SUCO: variants seen among roughly 807,000 people sequenced by gnomAD.
The protein encoded by SUCO is SUN domain containing ossification factor, also known as SUN domain-containing ossification factor.
Under a neutral mutation model 148.1 loss-of-function variants are expected in SUCO, and 57 were observed. That is an observed-to-expected ratio of 0.38 (90% CI 0.31 to 0.48). The LOEUF is 0.48. Ranked by LOEUF, SUCO falls within the 20% of genes least tolerant of loss-of-function variation. The pLI is 0.96. For synonymous variants in SUCO, 470 were observed against 502.7 expected (o/e 0.93, Z 0.87); for missense variants, 1,331 against 1,468.2 (o/e 0.91, Z 1.53).
intron 1 of SUCO, among the ~76,000 whole-genome samples, chr1:172,536,804 G>GTA (rs560826292): frequency 4.9e-4 from 75 of 152,226 alleles, no homozygotes; most frequent in African/African-American, 1.8e-3. Context: ...GAGGCCACCT[G>GTA]TATTCTGTGG....
chr1:172,603,479 A>T (rs76580953), intron 22 of SUCO, among the ~76,000 whole-genome samples: 1,656 of 152,150 alleles, frequency 0.011, 19 homozygotes, highest in Non-Finnish European at 0.017. Context: ...TGATTAAATT[A>T]TTCAAGTAAT....
intron 1 of SUCO, among the ~76,000 whole-genome samples, chr1:172,546,190 C>T (rs552291223): frequency 1.3e-5 from 2 of 152,258 alleles, no homozygotes; most frequent in East Asian, 1.9e-4. Flanking sequence ...TGTCCATACT[C>T]TTGGATTAAA....
intron 22 of SUCO, 44 bp from the exon 23 acceptor site, chr1:172,608,703 C>A (rs374175573): frequency 7.6e-7 from 1 of 1,307,904 alleles, no homozygotes; most frequent in South Asian, 1.3e-5. Flanking sequence ...TCCACCAAAT[C>A]CACTTTACAT....
chr1:172,589,234 G>A lies in SUCO; in HGVS notation c.2133G>A (p.Leu711=), dbSNP rs1385414404. Reference sequence around the variant, plus strand: ...GTAGTAGTATGCACCAGGATGACTTGGTGAATCACACTGTAGATGCAGTTG... The same window carrying A: ...GTAGTAGTATGCACCAGGATGACTTAGTGAATCACACTGTAGATGCAGTTG... ...DLSSSMHQDD[L]VNHTVDAVEL... The change falls in exon 18 of 24, where the codon TTG becomes TTA. Residue 711 remains leucine, a synonymous_variant. Transcript: ENST00000263688. 2 of 1,613,774 alleles carry A rather than the reference G, an allele frequency of 1.2e-6. No individual in the cohort carries two copies. The highest frequency in any genetic ancestry group is 2.7e-5 in the African/African-American group (2 of 74,884).
rs749476425 is a variant in SUCO at position 172,573,967 on chromosome 1, C to T, written c.1126C>T (p.Pro376Ser). 4 of 1,594,250 alleles carry T rather than the reference C, an allele frequency of 2.5e-6. No individual in the cohort carries two copies. In the Middle Eastern group the frequency reaches 5.0e-4, roughly 199 times the overall value. ...IANYELFSST[P>S]KDFLVSISDR... Reference sequence around the variant, plus strand: ...AAATTATGAATTATTTTCTTCTACTCCTAAAGATTTTCTGGTTTCTATCAG... The same window carrying T: ...AAATTATGAATTATTTTCTTCTACTTCTAAAGATTTTCTGGTTTCTATCAG... Residue 376 changes from proline to serine, a missense_variant, in exon 10 of 24, where the codon CCT (proline) becomes TCT (serine). By Grantham distance (74) the Pro-to-Ser change is moderately conservative. Around this residue, in one of 3 missense-constraint regions of SUCO, gnomAD observed 992 missense variants for 1,093.5 expected, o/e 0.91. Coordinates refer to ENST00000263688, the MANE Select transcript of SUCO (RefSeq NM_014283.5).
intron 6 of SUCO, among the ~76,000 whole-genome samples, chr1:172,565,907 C>T (rs531474200): frequency 6.6e-6 from 1 of 152,294 alleles, no homozygotes; most frequent in South Asian, 2.1e-4. Context: ...CCTAGCTTAC[C>T]TGATAATTAT....
intron 9 of SUCO, among the ~76,000 whole-genome samples, chr1:172,571,532 G>T (rs1285282575): frequency 1.3e-5 from 2 of 150,220 alleles, no homozygotes; most frequent in Non-Finnish European, 1.5e-5. Context: ...CGTCTGGGAC[G>T]TGAGGAGCCC....
chr1:172,559,848 G>C (rs1393817637), intron 6 of SUCO, among the ~76,000 whole-genome samples: 1 of 152,136 alleles, frequency 6.6e-6, no homozygotes, highest in Non-Finnish European at 1.5e-5. Flanking sequence ...TTGGCTTACA[G>C]AAATTTGCTT....
chr1:172,556,903 G>A (rs1558180568), intron 4 of SUCO: 48 of 944,952 alleles, frequency 5.1e-5, no homozygotes, highest in Non-Finnish European at 5.7e-5. Flanking sequence ...TTTTAAAAAC[G>A]AAATTCTAAG....
At chr1:172,560,167 A>G (rs993662915) in intron 6 of SUCO, among the ~76,000 whole-genome samples, 2 of 152,236 alleles carry the variant, frequency 1.3e-5, no homozygotes, top group Non-Finnish European at 2.9e-5. Flanking sequence ...ATCTAAGACA[A>G]AACTTTGCTA....
intron 1 of SUCO, among the ~76,000 whole-genome samples, chr1:172,538,505 T>C (rs1652193494): frequency 6.6e-6 from 1 of 152,180 alleles, no homozygotes; most frequent in South Asian, 2.1e-4. Context: ...CGATAAAACA[T>C]TTTGAAAATT....
At position 172,589,556 on chromosome 1, in the gene SUCO, A is replaced by G. The variant is rs909897101; in HGVS notation, c.2455A>G (p.Lys819Glu). The change falls in exon 18 of 24, where the codon AAG becomes GAG. Residue 819 changes from lysine to glutamate, a missense_variant. Lys to Glu is a moderately conservative substitution (Grantham distance 56, BLOSUM62 1). Coordinates refer to ENST00000263688, the MANE Select transcript of SUCO (RefSeq NM_014283.5). ...EDVNSMQIFTKLSETIVPPIN... is the reference protein window; with the variant it reads ...EDVNSMQIFTELSETIVPPIN... Reference sequence around the variant, plus strand: ...TGTGAACTCCATGCAAATTTTCACAAAGCTGTCTGAAACAATAGTGCCACC... The same window carrying G: ...TGTGAACTCCATGCAAATTTTCACAGAGCTGTCTGAAACAATAGTGCCACC... The G allele has an allele frequency of 6.2e-7, 1 of 1,613,798 alleles. No homozygotes were observed.
At chr1:172,539,196 T>C (rs1171588283) in intron 1 of SUCO, among the ~76,000 whole-genome samples, 2 of 152,210 alleles carry the variant, frequency 1.3e-5, no homozygotes, top group East Asian at 3.8e-4. Context: ...GGGAAACTTA[T>C]AAAAATTTAA....
intron 15 of SUCO, 72 bp downstream of exon 15, chr1:172,579,339 G>T: frequency 2.1e-6 from 2 of 941,852 alleles, no homozygotes; most frequent in Non-Finnish European, 3.3e-6. Flanking sequence ...TTTTGTCATG[G>T]TATGGTTGAG....
At chr1:172,572,688 A>C in intron 9 of SUCO, among the ~76,000 whole-genome samples, 1 of 139,610 alleles carries the variant, frequency 7.2e-6, no homozygotes, top group Non-Finnish European at 1.5e-5. Flanking sequence ...ACACCCAAGA[A>C]TGATCAATAA....
At chr1:172,588,015 G>A in intron 17 of SUCO, 4 of 865,546 alleles carry the variant, frequency 4.6e-6, no homozygotes, top group Non-Finnish European at 5.5e-6. Flanking sequence ...GGCACTAGTA[G>A]TTTAATAGCA....
At chr1:172,591,852 C>T (rs185533560) in intron 19 of SUCO, among the ~76,000 whole-genome samples, 6 of 152,286 alleles carry the variant, frequency 3.9e-5, no homozygotes, top group African/African-American at 1.4e-4. Flanking sequence ...GAGGAATCGC[C>T]ACACTGTCTT....
At chr1:172,569,510 G>A (rs1191447033) in intron 7 of SUCO, 4 of 982,404 alleles carry the variant, frequency 4.1e-6, no homozygotes, top group Non-Finnish European at 4.8e-6. Flanking sequence ...TTACCAAAAG[G>A]TGTTTTACAT....
At chr1:172,583,266 G>A (rs949346720) in intron 15 of SUCO, among the ~76,000 whole-genome samples, 56 of 152,176 alleles carry the variant, frequency 3.7e-4, no homozygotes, top group Non-Finnish European at 5.9e-5. Flanking sequence ...TAAGAATTAA[G>A]GCCACTTCTG....
Sources: allele counts gnomAD v4.1 joint callset (sites outside exome capture counted in the v4.1 genomes callset), GRCh38; gene constraint gnomAD v4.1.1; regional missense constraint gnomAD v4.1.1; transcripts MANE v1.5; gene names NCBI Gene and HGNC (gene_info 2026-07-23, HGNC 2026-07-21).